Variants in FSCN3 observed in about 807,000 individuals in gnomAD.
FSCN3 encodes the protein fascin-3.
FSCN3 carries 43 observed loss-of-function variants against 53.5 expected under a neutral mutation model. The ratio of observed to expected loss-of-function variants is 0.80; its 90% CI spans 0.63 to 1.04. The LOEUF is 1.04. FSCN3 is among the 50% of genes least tolerant of loss of function. FSCN3 has a pLI of 0.00. For missense variants in FSCN3, 594 were observed against 646.5 expected (o/e 0.92, Z 0.88); for synonymous variants, 235 against 246.6 (o/e 0.95, Z 0.44).
At chr7:127,599,648 T>G in intron 5 of FSCN3, 97 bp downstream of exon 5, 1 of 1,220,034 alleles carries the variant, frequency 8.2e-7, no homozygotes, top group Admixed American at 2.2e-5. Flanking sequence ...GCTTGCTCAT[T>G]ATAAAAGGAA....
chr7:127,596,863 GT>G (rs1362036713), intron 3 of FSCN3, among the ~76,000 whole-genome samples: 1 of 152,258 alleles, frequency 6.6e-6, no homozygotes, highest in African/African-American at 2.4e-5. Context: ...TTTGCAGTCA[GT>G]TTCCCTCCAC....
rs138368376 is a variant in FSCN3, at chr7:127,595,349, G to A, written c.187G>A (p.Val63Met). ...GAGCAATGAGCATGAGACACAGGCCGTGGTGCGACTAAAGAGCGTGCAGGG... is the reference window on the plus strand; with the variant it reads ...GAGCAATGAGCATGAGACACAGGCCATGGTGCGACTAAAGAGCGTGCAGGG... ...LVSNEHETQA[V>M]VRLKSVQGLY... Residue 63 changes from valine to methionine, a missense_variant, in exon 2 of 7, where the codon GTG (valine) becomes ATG (methionine). Transcript: ENST00000265825. 1.7e-5 allele frequency: 27 copies of A among 1,613,814 alleles called. No individual in the cohort carries two copies. The highest frequency in any genetic ancestry group is 1.7e-4 in the Admixed American group (10 of 59,990).
chr7:127,594,304 AGG>A (rs1399661185), intron 1 of FSCN3, among the ~76,000 whole-genome samples: 1 of 64,328 alleles, frequency 1.6e-5, no homozygotes, highest in Non-Finnish European at 3.5e-5. Flanking sequence ...ATATGAAAGC[AGG>A]GTGTACTCTC....
Position 127,595,494 on chromosome 7 carries a change from T to A in FSCN3, c.332T>A (p.Ile111Asn). 6.2e-7 allele frequency: 1 copy of A among 1,614,182 alleles called. No individual in the cohort carries two copies. The highest frequency in any genetic ancestry group is 8.5e-7 in the Non-Finnish European group (1 of 1,180,014). The change falls in exon 2 of 7, where the codon ATC becomes AAC. Residue 111 changes from isoleucine to asparagine, a missense_variant. Coordinates refer to ENST00000265825, the MANE Select transcript of FSCN3 (RefSeq NM_020369.3). ...AGCAAGTGGACCCTCCAGTGCCTAA[T>A]CTCTGGTCGTTATTTGGAGTCCAAT... Reference protein sequence around the residue: ...RNSKWTLQCLISGRYLESNGK... With the variant: ...RNSKWTLQCLNSGRYLESNGK...
rs1446989555 is a variant in FSCN3, at chr7:127,599,399, G to A, written c.1139G>A (p.Gly380Glu). ...VILPGPNEEF[G>E]ILFANRSFLV... ...CCTTCAGGCCCAAATGAGGAATTTG[G>A]GATTTTATTTGCCAATCGCTCCTTC... Residue 380 changes from glycine (G) to glutamate (E), a missense_variant, in exon 5 of 7, where the codon GGG (glycine) becomes GAG (glutamate). Physicochemically the swap from Gly to Glu is moderately conservative, Grantham distance 98. Coordinates refer to ENST00000265825, the MANE Select transcript of FSCN3 (RefSeq NM_020369.3). 1.2e-6 allele frequency: 2 copies of A among 1,613,584 alleles called. No homozygotes were observed. Among genetic ancestry groups the A allele is most frequent in the Non-Finnish European group, 1.7e-6 (2 of 1,179,638 alleles).
chr7:127,599,026 G>A (rs1176242505), intron 4 of FSCN3, among the ~76,000 whole-genome samples: 1 of 151,560 alleles, frequency 6.6e-6, no homozygotes, highest in African/African-American at 2.4e-5. Flanking sequence ...TTCAGTCACT[G>A]AATTTTTGTC....
chr7:127,596,861 C>G (rs188978401), intron 3 of FSCN3, among the ~76,000 whole-genome samples: 1 of 152,288 alleles, frequency 6.6e-6, no homozygotes, highest in Non-Finnish European at 1.5e-5. Flanking sequence ...TCTTTGCAGT[C>G]AGTTTCCCTC....
Position 127,600,309 on chromosome 7 carries a change from C to A in FSCN3, c.1407C>A (p.Ala469=), listed in dbSNP as rs200461532. Residue 469 remains alanine (A), a synonymous_variant, in exon 6 of 7, where the codon GCC becomes GCA. Coordinates refer to ENST00000265825, the MANE Select transcript of FSCN3 (RefSeq NM_020369.3). The part of the protein sequence containing the change: ...LQGSNLLTVL[A]PNGFYMRADQ... Reference sequence around the variant, plus strand: ...GGAGCAACTTACTCACTGTACTGGCCCCCAATGGCTTCTACATGCGAGCCG... The same window carrying A: ...GGAGCAACTTACTCACTGTACTGGCACCCAATGGCTTCTACATGCGAGCCG... 2 of 1,611,506 alleles carry A rather than the reference C, an allele frequency of 1.2e-6. No individual in the cohort carries two copies. The highest frequency in any genetic ancestry group is 1.7e-5 in the Admixed American group (1 of 60,008).
chr7:127,596,045 G>T, intron 2 of FSCN3, 42 bp downstream of exon 2: 2 of 1,510,818 alleles, frequency 1.3e-6, no homozygotes. Context: ...GAGAGGGCTG[G>T]CTGTTAAAAA....
intron 6 of FSCN3, 35 bp downstream of exon 6, chr7:127,600,434 C>A: frequency 7.6e-7 from 1 of 1,310,136 alleles, no homozygotes; most frequent in Non-Finnish European, 1.1e-6. Context: ...GCTAGGGGAG[C>A]AGAAGCCATG....
intron 1 of FSCN3, chr7:127,594,535 A>AGGGT (rs1164373550): frequency 2.1e-6 from 1 of 471,172 alleles, no homozygotes; most frequent in Non-Finnish European, 4.4e-6. Flanking sequence ...TGGAGAGCAC[A>AGGGT]GGGTGGTTGT....
intron 4 of FSCN3, among the ~76,000 whole-genome samples, chr7:127,598,949 G>A (rs1409921547): frequency 6.7e-5 from 10 of 149,072 alleles, no homozygotes; most frequent in Non-Finnish European, 1.5e-5. Flanking sequence ...GACAGAGCGA[G>A]ACTCTATCTC....
intron 1 of FSCN3, 73 bp downstream of exon 1, chr7:127,594,070 G>A (rs769276247): frequency 4.3e-5 from 65 of 1,501,704 alleles, no homozygotes; most frequent in Middle Eastern, 2.0e-4. Flanking sequence ...GCGCGCGCGC[G>A]TGTGTGTGCG....
In FSCN3 at chr7:127,593,747, C is replaced by A; in HGVS notation, c.-107C>A. ...CTGCCTGGGAAGTTCTCTCTGGGAA[C>A]ATCTGGTGGGTACTACAGGCCCTAT... On this transcript the variant is annotated 5_prime_UTR_variant, in exon 1 of 7. Coordinates refer to ENST00000265825, the MANE Select transcript of FSCN3 (RefSeq NM_020369.3). 7.9e-7 allele frequency: 1 copy of A among 1,271,114 alleles called. No homozygotes were observed. The highest frequency in any genetic ancestry group is 1.1e-6 in the Non-Finnish European group (1 of 928,332). 78.7% of individuals were successfully genotyped at this position (1,271,114 alleles called of 1,614,324 possible).
intron 4 of FSCN3, among the ~76,000 whole-genome samples, chr7:127,598,835 C>T (rs534828940): frequency 6.6e-6 from 1 of 152,170 alleles, no homozygotes; most frequent in East Asian, 1.9e-4. Flanking sequence ...TGGTGCGGGC[C>T]TGTAATCCCA....
intron 3 of FSCN3, 86 bp downstream of exon 3, chr7:127,596,532 G>C (rs1794391849): frequency 3.2e-6 from 2 of 631,878 alleles, no homozygotes; most frequent in Non-Finnish European, 5.8e-6. Flanking sequence ...CAAGGCAAAT[G>C]ATGAGAGGAT....
chr7:127,594,240 T>A (rs1338686197), intron 1 of FSCN3, among the ~76,000 whole-genome samples: 1 of 119,236 alleles, frequency 8.4e-6, no homozygotes. Context: ...GTTTTCTGAG[T>A]GGCCAAGCTG....
Position 127,599,401 on chromosome 7 carries a change from A to C in FSCN3, c.1141A>C (p.Ile381Leu), listed in dbSNP as rs1284810394. 1 of 1,613,456 alleles carries C rather than the reference A, an allele frequency of 6.2e-7. No homozygotes were observed. Among genetic ancestry groups the C allele is most frequent in the African/African-American group, 1.3e-5 (1 of 74,856 alleles). The change falls in exon 5 of 7, where the codon ATT (isoleucine) becomes CTT (leucine). Residue 381 changes from isoleucine (I) to leucine (L), a missense_variant. Transcript: ENST00000265825. ...ILPGPNEEFG[I>L]LFANRSFLVL... is the part of the protein sequence containing the mutation. ...TTCAGGCCCAAATGAGGAATTTGGG[A>C]TTTTATTTGCCAATCGCTCCTTCCT...
chr7:127,596,187 C>T (rs550998331), intron 2 of FSCN3, 141 bp from the exon 3 acceptor site: 87 of 1,496,418 alleles, frequency 5.8e-5, no homozygotes, highest in South Asian at 9.6e-5. Flanking sequence ...GGGAAAGTTG[C>T]CTAGGTCTTC....
Sources: allele counts gnomAD v4.1 joint callset (sites outside exome capture counted in the v4.1 genomes callset), GRCh38; gene constraint gnomAD v4.1.1; transcripts MANE v1.5; gene names NCBI Gene and HGNC (gene_info 2026-07-23, HGNC 2026-07-21).